Variants in CCDC9 observed in about 807,000 individuals in gnomAD.
CCDC9 encodes coiled-coil domain-containing protein 9.
Under a neutral mutation model 65.6 loss-of-function variants are expected in CCDC9, and 52 were observed. The ratio of observed to expected loss-of-function variants is 0.79; its 90% CI spans 0.63 to 1.00. The LOEUF is 1.00. CCDC9 is among the 50% of genes least tolerant of loss of function. The pLI is 0.00. For missense variants in CCDC9, 834 were observed against 757.2 expected (o/e 1.10, Z -1.19); for synonymous variants, 332 against 280.3 (o/e 1.18, Z -1.84).
rs762493015 is a variant in CCDC9 at position 47,258,394 on chromosome 19, C to T, written c.-7C>T. The T allele has an allele frequency of 6.2e-7, 1 of 1,613,906 alleles. No homozygotes were observed. Among genetic ancestry groups the T allele is most frequent in the African/African-American group, 1.3e-5 (1 of 74,940 alleles). On this transcript the variant is annotated 5_prime_UTR_variant, in exon 2 of 12. Coordinates refer to ENST00000221922, the MANE Select transcript of CCDC9 (RefSeq NM_015603.3). ...TGCTGGGACCTTGGCTCCACGCAGC[C>T]AGCGAAATGGTGAGGCTGAAAAATG... is the stretch of plus-strand genomic sequence containing the variant.
At chr19:47,265,551 G>A (rs973496980) in intron 7 of CCDC9, among the ~76,000 whole-genome samples, 2 of 152,142 alleles carry the variant, frequency 1.3e-5, no homozygotes, top group Non-Finnish European at 2.9e-5. Flanking sequence ...TTGTCCGTCT[G>A]TTGGTTCTTC....
intron 8 of CCDC9, among the ~76,000 whole-genome samples, chr19:47,268,929 ATAAT>A (rs1568640533): frequency 6.6e-5 from 10 of 151,498 alleles, no homozygotes; most frequent in African/African-American, 1.2e-4. Flanking sequence ...AAAAATAATA[ATAAT>A]AATAATAATA....
intron 8 of CCDC9, among the ~76,000 whole-genome samples, chr19:47,267,871 G>A (rs936413888): frequency 1.3e-5 from 2 of 151,218 alleles, no homozygotes; most frequent in African/African-American, 4.9e-5. Flanking sequence ...TTTTTGAGAC[G>A]GAGTCTCGCA....
intron 8 of CCDC9, among the ~76,000 whole-genome samples, chr19:47,268,361 A>G (rs2059095804): frequency 6.6e-6 from 1 of 152,130 alleles, no homozygotes; most frequent in Admixed American, 6.6e-5. Flanking sequence ...TCCTGTGTTG[A>G]AAGTTTTCAT....
At chr19:47,261,423 A>G (rs1228889081) in intron 5 of CCDC9, among the ~76,000 whole-genome samples, 3 of 152,038 alleles carry the variant, frequency 2.0e-5, no homozygotes, top group African/African-American at 7.3e-5. Context: ...GCAGGGTGGG[A>G]GTCTGTCTAG....
intron 5 of CCDC9, among the ~76,000 whole-genome samples, chr19:47,262,080 C>G (rs957965560): frequency 6.6e-6 from 1 of 151,902 alleles, no homozygotes; most frequent in South Asian, 2.1e-4. Flanking sequence ...CACACAAAGA[C>G]TCCAAAAATT....
downstream of CCDC9, chr19:47,275,195 C>T (rs1483607429): frequency 2.7e-6 from 4 of 1,501,834 alleles, no homozygotes; most frequent in South Asian, 3.8e-5. Flanking sequence ...CCGCTGCCTC[C>T]CTCTCCTGCC....
chr19:47,275,309 A>C, downstream of CCDC9: 2 of 1,546,356 alleles, frequency 1.3e-6, no homozygotes, highest in Non-Finnish European at 1.7e-6. Context: ...AGACACCCAG[A>C]GAGACGCCAG....
At chr19:47,272,262 T>A, downstream of CCDC9, 1 of 758,764 alleles carries the variant, frequency 1.3e-6, no homozygotes, top group Non-Finnish European at 1.8e-6. Flanking sequence ...TGTGTGTAGG[T>A]AGCAGTTGGA....
intron 5 of CCDC9, among the ~76,000 whole-genome samples, chr19:47,262,697 G>A (rs2059054275): frequency 6.6e-6 from 1 of 152,158 alleles, no homozygotes; most frequent in Non-Finnish European, 1.5e-5. Context: ...AACCTCAAAG[G>A]AGACTGGGAA....
downstream of CCDC9, chr19:47,275,087 AC>A: frequency 1.3e-6 from 2 of 1,493,410 alleles, no homozygotes. Flanking sequence ...TCATCTGGGT[AC>A]CCACGCGGTC....
chr19:47,267,794 C>G (rs758561322), intron 8 of CCDC9, among the ~76,000 whole-genome samples: 2 of 152,170 alleles, frequency 1.3e-5, no homozygotes, highest in Non-Finnish European at 2.9e-5. Flanking sequence ...AGCCTCTGAC[C>G]TGTCCCCAGC....
In CCDC9 at chr19:47,264,302, C is replaced by T. The variant is rs148462544; in HGVS notation, c.463-301C>T. 2.2e-4 allele frequency among the ~76,000 whole-genome samples: 34 copies of T among 152,366 alleles called. No individual in the cohort carries two copies. The East Asian group carries it at 6.2e-3, about 28-fold the overall frequency. ...AAGTGCTTGGATTAGAGGTGTGAGC[C>T]ACCATGTCAGCCTGGAGGCTAGTTT... On this transcript the variant is annotated intron_variant, in intron 5 of 11. Transcript: ENST00000221922.
chr19:47,261,652 C>T (rs1427341123), intron 5 of CCDC9, among the ~76,000 whole-genome samples: 1 of 137,340 alleles, frequency 7.3e-6, no homozygotes, highest in Non-Finnish European at 1.5e-5. Context: ...GTGGAGGTCA[C>T]AGTGAGCCGA....
chr19:47,273,310 GT>G, downstream of CCDC9: 1 of 1,154,982 alleles, frequency 8.7e-7, no homozygotes, highest in Non-Finnish European at 1.1e-6. Flanking sequence ...CGGGGGGGAG[GT>G]GGGAAGACTG....
chr19:47,266,320 C>T (rs1845137067), intron 7 of CCDC9: 4 of 366,954 alleles, frequency 1.1e-5, no homozygotes, highest in Non-Finnish European at 2.0e-5. Flanking sequence ...GGCAGAGCCC[C>T]TGCCTTGATG....
chr19:47,265,987 T>C (rs1347174981), intron 7 of CCDC9, among the ~76,000 whole-genome samples: 16,246 of 60,156 alleles, frequency 0.27, 3,681 homozygotes, highest in East Asian at 0.55. Context: ...CTCCTGGCTT[T>C]TTTTTTTTTT....
intron 5 of CCDC9, 65 bp from the exon 6 acceptor site, chr19:47,264,538 G>A (rs1026676332): frequency 1.6e-5 from 23 of 1,473,744 alleles, no homozygotes; most frequent in South Asian, 1.1e-4. Flanking sequence ...TGGGCAGCCC[G>A]TCTCCTGCAC....
chr19:47,275,417 G>A (rs2059153509), downstream of CCDC9: 1 of 1,487,186 alleles, frequency 6.7e-7, no homozygotes, highest in African/African-American at 1.5e-5. Context: ...AGGATGCACC[G>A]TCTCTGGATT....
Sources: gnomAD v4.1 joint callset for allele counts (sites outside exome capture counted in the v4.1 genomes callset) on GRCh38, gnomAD v4.1.1 for gene constraint, MANE v1.5 for transcripts, NCBI Gene and HGNC (gene_info 2026-07-23, HGNC 2026-07-21) for gene names.